Variants in SNTB1 observed in about 807,000 individuals in gnomAD.
SNTB1 encodes the protein beta-1-syntrophin.
SNTB1 carries 36 observed loss-of-function variants against 48.9 expected under a neutral mutation model. That is an observed-to-expected ratio of 0.74 (90% CI 0.56 to 0.97). The LOEUF is 0.97. SNTB1 is among the 50% of genes least tolerant of loss of function. SNTB1 has a pLI of 0.00. For synonymous variants in SNTB1, 299 were observed against 294.6 expected (o/e 1.01, Z -0.15); for missense variants, 786 against 703.4 (o/e 1.12, Z -1.33).
chr8:120,720,154 A>T (rs1291656220), intron 1 of SNTB1, among the ~76,000 whole-genome samples: 7 of 152,178 alleles, frequency 4.6e-5, no homozygotes, highest in Non-Finnish European at 1.0e-4. Flanking sequence ...ATGTCATAAG[A>T]CTGTGGAGAA....
chr8:120,577,326 A>T (rs770291315), intron 3 of SNTB1, among the ~76,000 whole-genome samples: 17 of 152,158 alleles, frequency 1.1e-4, no homozygotes, highest in Non-Finnish European at 2.1e-4. Context: ...CATTTTGTGT[A>T]TTTTATGCAT....
chr8:120,744,256 C>T (rs1819089669), intron 1 of SNTB1, among the ~76,000 whole-genome samples: 1 of 151,980 alleles, frequency 6.6e-6, no homozygotes, highest in East Asian at 1.9e-4. Context: ...AAGAGTACAT[C>T]TACATCTCTT....
At chr8:120,778,419 G>T (rs959719808) in intron 1 of SNTB1, among the ~76,000 whole-genome samples, 6 of 152,172 alleles carry the variant, frequency 3.9e-5, no homozygotes, top group African/African-American at 1.4e-4. Flanking sequence ...GGAAGGCAAT[G>T]ACCTCTAAAT....
intron 2 of SNTB1, chr8:120,637,710 C>T: frequency 2.3e-6 from 1 of 442,472 alleles, no homozygotes; most frequent in Non-Finnish European, 4.4e-6. Context: ...GCACTTATGC[C>T]TGTTGAAATG....
intron 4 of SNTB1, among the ~76,000 whole-genome samples, chr8:120,556,438 A>G (rs1460261750): frequency 2.6e-5 from 4 of 152,194 alleles, no homozygotes; most frequent in Non-Finnish European, 5.9e-5. Context: ...ATTTATCAAC[A>G]TATTTGTTAT....
intron 3 of SNTB1, among the ~76,000 whole-genome samples, chr8:120,604,383 A>T (rs1217697278): frequency 6.6e-6 from 1 of 151,236 alleles, no homozygotes; most frequent in African/African-American, 2.4e-5. Flanking sequence ...CTTTCCATAT[A>T]TCAATTCTTC....
At chr8:120,755,732 T>A (rs916809257) in intron 1 of SNTB1, among the ~76,000 whole-genome samples, 1 of 152,094 alleles carries the variant, frequency 6.6e-6, no homozygotes, top group African/African-American at 2.4e-5. Context: ...GCTAACTCTA[T>A]GAGGTAATAA....
At chr8:120,570,274 A>T (rs1342718367) in intron 4 of SNTB1, 2 of 152,190 alleles carry the variant, frequency 1.3e-5, no homozygotes, top group Non-Finnish European at 2.9e-5. Context: ...TTACAATGGA[A>T]TCAGGATCAC....
At chr8:120,588,997 T>C (rs1371610581) in intron 3 of SNTB1, among the ~76,000 whole-genome samples, 1 of 152,262 alleles carries the variant, frequency 6.6e-6, no homozygotes, top group Non-Finnish European at 1.5e-5. Context: ...CCACTCATTT[T>C]CTACCAGTGA....
rs546055447 is a variant in SNTB1 at position 120,712,210 on chromosome 8, C to T, written c.572-18302G>A. Among the ~76,000 whole-genome samples the T allele has an allele frequency of 7.2e-5, 11 of 152,046 alleles. No individual in the cohort carries two copies. In the East Asian group the frequency reaches 1.9e-3, roughly 27 times the overall value. ...AGGCGGATCAATGAGGTCAGGAGAT[C>T]GAGACCATCCTGGCTAACACGGTGA... On this transcript the variant is annotated intron_variant, in intron 1 of 6. Coordinates refer to ENST00000517992, the MANE Select transcript of SNTB1 (RefSeq NM_021021.4).
intron 1 of SNTB1, among the ~76,000 whole-genome samples, chr8:120,737,412 G>T (rs1038613167): frequency 2.6e-5 from 4 of 152,166 alleles, no homozygotes; most frequent in African/African-American, 9.7e-5. Flanking sequence ...ACTGTATAGT[G>T]TATGTTACTT....
At chr8:120,616,013 T>C (rs1816707834) in intron 3 of SNTB1, among the ~76,000 whole-genome samples, 1 of 152,314 alleles carries the variant, frequency 6.6e-6, no homozygotes. Context: ...AATTATCCTC[T>C]GTAATTCATC....
intron 2 of SNTB1, among the ~76,000 whole-genome samples, chr8:120,657,949 A>T (rs1285850182): frequency 6.6e-6 from 1 of 152,250 alleles, no homozygotes; most frequent in Non-Finnish European, 1.5e-5. Flanking sequence ...TACCTATTTT[A>T]GGTGCAGAGA....
chr8:120,638,948 T>C (rs1172977490), intron 2 of SNTB1, among the ~76,000 whole-genome samples: 2 of 152,244 alleles, frequency 1.3e-5, no homozygotes, highest in Non-Finnish European at 2.9e-5. Flanking sequence ...TAGTTCTAGA[T>C]CCTTGAGGAA....
intron 4 of SNTB1, among the ~76,000 whole-genome samples, chr8:120,573,424 C>G (rs560801572): frequency 1.2e-4 from 19 of 152,076 alleles, no homozygotes; most frequent in African/African-American, 4.6e-4. Context: ...AAATGTAAAT[C>G]TTTATATATT....
intron 4 of SNTB1, among the ~76,000 whole-genome samples, chr8:120,554,673 T>C (rs1461498029): frequency 1.3e-5 from 2 of 152,216 alleles, no homozygotes; most frequent in African/African-American, 4.8e-5. Context: ...TTGTTTAATA[T>C]TAGAAGTGTT....
At chr8:120,751,477 T>A (rs1460992664) in intron 1 of SNTB1, among the ~76,000 whole-genome samples, 1 of 152,142 alleles carries the variant, frequency 6.6e-6, no homozygotes, top group Non-Finnish European at 1.5e-5. Flanking sequence ...AAGGATACTT[T>A]TTTTTTGTGC....
chr8:120,787,857 C>T (rs1460614330), intron 1 of SNTB1, among the ~76,000 whole-genome samples: 1 of 151,984 alleles, frequency 6.6e-6, no homozygotes, highest in Middle Eastern at 3.2e-3. Context: ...TTTAGACATC[C>T]AAATAAAAGA....
intron 1 of SNTB1, among the ~76,000 whole-genome samples, chr8:120,777,835 G>A (rs1487566254): frequency 6.6e-6 from 1 of 152,140 alleles, no homozygotes; most frequent in Non-Finnish European, 1.5e-5. Flanking sequence ...CTAGTGACAG[G>A]GACAGATTTA....
Sources: gnomAD v4.1 joint callset for allele counts (sites outside exome capture counted in the v4.1 genomes callset) on GRCh38, gnomAD v4.1.1 for gene constraint, MANE v1.5 for transcripts, NCBI Gene and HGNC (gene_info 2026-07-23, HGNC 2026-07-21) for gene names.